Variants in SPIDR observed in about 807,000 individuals in gnomAD.
SPIDR encodes the protein scaffold protein involved in DNA repair, also known as DNA repair-scaffolding protein.
SPIDR carries 93 observed loss-of-function variants against 104.6 expected under a neutral mutation model. That is an observed-to-expected ratio of 0.89 (90% CI 0.75 to 1.06). SPIDR has a LOEUF of 1.06. Among genes scored for constraint, SPIDR ranks in the 50% least tolerant of loss-of-function variants. The pLI is 0.00. For missense variants in SPIDR, 1,154 were observed against 1,111.2 expected (o/e 1.04, Z -0.55); for synonymous variants, 431 against 416.9 (o/e 1.03, Z -0.41).
At chr8:47,430,123 C>G (rs2154338970) in intron 7 of SPIDR, among the ~76,000 whole-genome samples, 1 of 152,280 alleles carries the variant, frequency 6.6e-6, no homozygotes. Context: ...CTGGTGCTCC[C>G]TGGTCTTCTG....
chr8:47,690,144 G>A (rs775927274), intron 11 of SPIDR, among the ~76,000 whole-genome samples: 1 of 152,160 alleles, frequency 6.6e-6, no homozygotes, highest in Non-Finnish European at 1.5e-5. Context: ...ACGCTGGTGA[G>A]CGAGTGGATC....
At chr8:47,630,230 G>A (rs1426823759) in intron 10 of SPIDR, among the ~76,000 whole-genome samples, 2 of 152,132 alleles carry the variant, frequency 1.3e-5, no homozygotes, top group Non-Finnish European at 2.9e-5. Flanking sequence ...GTTCACAAGT[G>A]AAAGAAGGAA....
chr8:47,652,198 A>G (rs532529489), intron 10 of SPIDR, among the ~76,000 whole-genome samples: 1 of 152,336 alleles, frequency 6.6e-6, no homozygotes, highest in Non-Finnish European at 1.5e-5. Context: ...AATCAAATGG[A>G]AATGTGAGGC....
chr8:47,638,797 T>C (rs2068370064), intron 10 of SPIDR, among the ~76,000 whole-genome samples: 1 of 152,224 alleles, frequency 6.6e-6, no homozygotes, highest in South Asian at 2.1e-4. Context: ...TCCAGATCCC[T>C]GGTGGGCCTC....
intron 5 of SPIDR, among the ~76,000 whole-genome samples, chr8:47,346,094 G>A (rs1050100897): frequency 6.6e-6 from 1 of 152,202 alleles, no homozygotes; most frequent in Non-Finnish European, 1.5e-5. Context: ...GACATTGGCT[G>A]TGGGTTTGTC....
intron 8 of SPIDR, among the ~76,000 whole-genome samples, chr8:47,551,230 TC>T (rs1320258995): frequency 6.6e-6 from 1 of 152,208 alleles, no homozygotes; most frequent in Non-Finnish European, 1.5e-5. Flanking sequence ...TCTAAAATTC[TC>T]CTTTTTTGTT....
At chr8:47,654,557 T>C (rs962797994) in intron 10 of SPIDR, among the ~76,000 whole-genome samples, 1 of 152,132 alleles carries the variant, frequency 6.6e-6, no homozygotes, top group African/African-American at 2.4e-5. Context: ...AATGCAGCAG[T>C]GATTTTATTC....
At chr8:47,517,773 C>T (rs752399259) in intron 8 of SPIDR, among the ~76,000 whole-genome samples, 4 of 152,074 alleles carry the variant, frequency 2.6e-5, no homozygotes, top group African/African-American at 7.2e-5. Context: ...TTTCATTATT[C>T]GTATTTAACT....
chr8:47,340,980 T>A (rs2050644259), intron 5 of SPIDR, among the ~76,000 whole-genome samples: 1 of 152,214 alleles, frequency 6.6e-6, no homozygotes, highest in Non-Finnish European at 1.5e-5. Context: ...GTAGCACTTT[T>A]CCTGAGTTCT....
intron 11 of SPIDR, among the ~76,000 whole-genome samples, chr8:47,686,116 A>G (rs1296638902): frequency 6.6e-6 from 1 of 152,166 alleles, no homozygotes; most frequent in African/African-American, 2.4e-5. Flanking sequence ...TTGGGCCACC[A>G]TGGCTCCCCA....
At chr8:47,684,116 G>C (rs2077438957) in intron 11 of SPIDR, among the ~76,000 whole-genome samples, 1 of 94,098 alleles carries the variant, frequency 1.1e-5, no homozygotes, top group Non-Finnish European at 1.9e-5. Flanking sequence ...GACAGAACAA[G>C]ACTCTGTCTC....
In SPIDR at chr8:47,317,511, A is replaced by G. The variant is rs926998400; in HGVS notation, c.525+23481A>G. 1.4e-3 allele frequency among the ~76,000 whole-genome samples: 215 copies of G among 151,968 alleles called. 1 individual carries two copies. The highest frequency in any genetic ancestry group is 2.3e-3 in the Non-Finnish European group (158 of 67,954). On this transcript the variant is annotated intron_variant, in intron 5 of 19. Transcript: ENST00000297423. ...CAAGGAGGCCTGCCTGCCTCTGTAG[A>G]CTCCACCTCTGGAGGCAGGGAATAA...
intron 8 of SPIDR, among the ~76,000 whole-genome samples, chr8:47,593,812 C>T (rs2061340377): frequency 6.6e-6 from 1 of 152,160 alleles, no homozygotes; most frequent in African/African-American, 2.4e-5. Context: ...GCTGACACCA[C>T]CCTGGCTGGG....
At chr8:47,387,700 G>A (rs1554649157) in intron 5 of SPIDR, among the ~76,000 whole-genome samples, 1 of 152,110 alleles carries the variant, frequency 6.6e-6, no homozygotes, top group Non-Finnish European at 1.5e-5. Context: ...AGGGAAGATG[G>A]GCAGCTCTGA....
chr8:47,359,471 A>G (rs1221992739), intron 5 of SPIDR, among the ~76,000 whole-genome samples: 3 of 152,128 alleles, frequency 2.0e-5, no homozygotes, highest in African/African-American at 4.8e-5. Context: ...CTGTCCTCAA[A>G]GGGGCAAAAA....
intron 8 of SPIDR, among the ~76,000 whole-genome samples, chr8:47,444,445 T>C (rs1395495554): frequency 6.6e-6 from 1 of 152,270 alleles, no homozygotes; most frequent in Non-Finnish European, 1.5e-5. Context: ...CATCCCAGTA[T>C]GCTGGAAGAG....
chr8:47,431,169 C>T (rs2067298666), intron 7 of SPIDR, among the ~76,000 whole-genome samples: 1 of 152,188 alleles, frequency 6.6e-6, no homozygotes, highest in Non-Finnish European at 1.5e-5. Context: ...TTGCTGTGTG[C>T]TCACAGAGCC....
intron 8 of SPIDR, among the ~76,000 whole-genome samples, chr8:47,475,590 A>G (rs1161053366): frequency 6.6e-6 from 1 of 152,232 alleles, no homozygotes. Context: ...GTAGCCTTGT[A>G]TGTACCTAAG....
chr8:47,527,590 A>G lies in SPIDR; in HGVS notation c.1098-68221A>G, dbSNP rs546924092. 2.0e-5 allele frequency: 3 copies of G among 152,396 alleles called. No homozygotes were observed. In the East Asian group the frequency reaches 5.8e-4, roughly 29 times the overall value. The allele number at this position is 152,396 out of a possible 1,614,324, so 9.4% of individuals were successfully genotyped here. ...ACACCAGAGAAAATTTTAGCTTCGG[A>G]AAACACTCTAGCAAACAATAAAGAC... On this transcript the variant is annotated intron_variant, in intron 8 of 19. Transcript: ENST00000297423.
Sources: gnomAD v4.1 joint callset for allele counts (sites outside exome capture counted in the v4.1 genomes callset) on GRCh38, gnomAD v4.1.1 for gene constraint, MANE v1.5 for transcripts, NCBI Gene and HGNC (gene_info 2026-07-23, HGNC 2026-07-21) for gene names.